Variants in RYR3 observed in about 807,000 individuals in gnomAD.
RYR3 encodes the protein brain ryanodine receptor-calcium release channel.
Under a neutral mutation model 584.3 loss-of-function variants are expected in RYR3, and 207 were observed. The observed-to-expected ratio is 0.35, with a 90% CI of 0.32 to 0.40. The LOEUF (loss-of-function observed/expected upper bound fraction) is 0.40, where lower values mean the gene tolerates loss of function less well. Among genes scored for constraint, RYR3 ranks in the 10% least tolerant of loss-of-function variants. The probability of loss-of-function intolerance (pLI) is 1.00; values close to 1 mark genes in which losing one functional copy is unlikely to be tolerated. For synonymous variants in RYR3, 2,416 were observed against 2,248.5 expected, an observed-to-expected ratio of 1.07 and a Z score of -2.11; for missense variants, 5,616 against 6,089.2, an observed-to-expected ratio of 0.92 and a Z score of 2.59.
chr15:33,550,335 G>T lies in RYR3; in HGVS notation c.972+19G>T, dbSNP rs190811883. The T allele has an allele frequency of 6.6e-4, 1,066 of 1,606,084 alleles. 5 individuals carry two copies. The East Asian group carries it at 0.012, about 18-fold the overall frequency. On this transcript the variant is annotated intron_variant, in intron 10 of 103. Transcript: ENST00000634891. ...ATCAAAGGTAAGGTGTGATAAAGTG[G>T]ACTTTGACCCTGTTCTAAAAGTGAA...
chr15:33,796,020 C>G (rs988878814), intron 67 of RYR3, among the ~76,000 whole-genome samples: 2 of 152,158 alleles, frequency 1.3e-5, no homozygotes, highest in African/African-American at 4.8e-5. Context: ...CTAGGGGAGG[C>G]TTTGGAACAA....
In RYR3 at chr15:33,720,654, G is replaced by A. The variant is rs552594477; in HGVS notation, c.6620-2061G>A. On this transcript the variant is annotated intron_variant, in intron 43 of 103. Coordinates refer to ENST00000634891, the MANE Select transcript of RYR3 (RefSeq NM_001036.6). ...CAAAGCAGGAGGATTGCTTGAGTCCGGGAGTTTGAGGCCAGCCTGGGCAAC... is the reference window on the plus strand; with the variant it reads ...CAAAGCAGGAGGATTGCTTGAGTCCAGGAGTTTGAGGCCAGCCTGGGCAAC... 6.6e-5 allele frequency among the ~76,000 whole-genome samples: 10 copies of A among 152,258 alleles called. No homozygotes were observed. The South Asian group carries it at 2.1e-3, about 32-fold the overall frequency.
intron 3 of RYR3, among the ~76,000 whole-genome samples, chr15:33,508,628 C>T (rs1198075934): frequency 3.9e-5 from 6 of 152,034 alleles, no homozygotes; most frequent in Admixed American, 1.3e-4. Context: ...CCAGACTGGG[C>T]GACAGAGCAA....
intron 32 of RYR3, among the ~76,000 whole-genome samples, chr15:33,654,412 G>A (rs1355489665): frequency 6.6e-6 from 1 of 151,866 alleles, no homozygotes; most frequent in East Asian, 1.9e-4. Flanking sequence ...CTGCTCAGGA[G>A]GCTAAGAGAC....
intron 43 of RYR3, among the ~76,000 whole-genome samples, chr15:33,713,291 G>T (rs1567006440): frequency 1.3e-5 from 2 of 151,956 alleles, no homozygotes; most frequent in African/African-American, 4.8e-5. Context: ...GTGATAGTGG[G>T]TGATGAATGG....
chr15:33,402,781 A>G (rs2042765567), intron 1 of RYR3, among the ~76,000 whole-genome samples: 1 of 152,182 alleles, frequency 6.6e-6, no homozygotes, highest in Non-Finnish European at 1.5e-5. Context: ...TGGGATATCA[A>G]ATTTGTGTTT....
rs143845204 is a variant in RYR3 at position 33,663,385 on chromosome 15, C to T, written c.5419-152C>T. Among the ~76,000 whole-genome samples, 98 of 152,250 alleles carry T rather than the reference C, an allele frequency of 6.4e-4. 1 individual carries two copies. In the East Asian group the frequency reaches 0.011, roughly 17 times the overall value. On this transcript the variant is annotated intron_variant, in intron 35 of 103. Coordinates refer to ENST00000634891, the MANE Select transcript of RYR3 (RefSeq NM_001036.6). Reference sequence around the variant, plus strand: ...GTGAGCTGTTTTCTGTTATTGCCTTCGACTTAATGGTGAAGATTTGAGTAA... The same window carrying T: ...GTGAGCTGTTTTCTGTTATTGCCTTTGACTTAATGGTGAAGATTTGAGTAA...
intron 1 of RYR3, among the ~76,000 whole-genome samples, chr15:33,402,088 C>T (rs564057517): frequency 5.3e-4 from 81 of 152,166 alleles, no homozygotes; most frequent in Admixed American, 2.1e-3. Context: ...TGGTTAAAAG[C>T]ATCTACAGGT....
At chr15:33,834,691 C>T (rs1407507731) in intron 86 of RYR3, among the ~76,000 whole-genome samples, 1 of 152,112 alleles carries the variant, frequency 6.6e-6, no homozygotes, top group Non-Finnish European at 1.5e-5. Context: ...ATATTGTTCT[C>T]CAGTGTAAGC....
At chr15:33,517,044 G>A (rs1368662218) in intron 3 of RYR3, among the ~76,000 whole-genome samples, 1 of 152,032 alleles carries the variant, frequency 6.6e-6, no homozygotes, top group Non-Finnish European at 1.5e-5. Context: ...CAGGCTGCTG[G>A]TGTGCAGTGG....
chr15:33,650,463 C>T (rs2062401525), intron 31 of RYR3, among the ~76,000 whole-genome samples: 1 of 152,160 alleles, frequency 6.6e-6, no homozygotes, highest in Admixed American at 6.5e-5. Context: ...CGTCACTTAA[C>T]CTCCCTGGGC....
At chr15:33,598,415 G>A (rs1407833542) in intron 16 of RYR3, among the ~76,000 whole-genome samples, 15 of 83,384 alleles carry the variant, frequency 1.8e-4, no homozygotes, top group East Asian at 5.9e-4. Flanking sequence ...TCTTATTACC[G>A]TATTTCTGCT....
chr15:33,322,289 A>G (rs1280665761), intron 1 of RYR3, among the ~76,000 whole-genome samples: 2 of 152,224 alleles, frequency 1.3e-5, no homozygotes, highest in South Asian at 2.1e-4. Flanking sequence ...GGAGGCCTCC[A>G]GGAGCTTTTC....
At chr15:33,695,280 G>T (rs754883805) in intron 38 of RYR3, among the ~76,000 whole-genome samples, 22 of 152,142 alleles carry the variant, frequency 1.4e-4, no homozygotes, top group Non-Finnish European at 2.8e-4. Flanking sequence ...TGCCTTCCCG[G>T]CCATTCCAAC....
chr15:33,788,280 A>G lies in RYR3; in HGVS notation c.9652A>G (p.Thr3218Ala), dbSNP rs2074867130. ...PDLLRSHFIP[T>A]LEKLKKKAVK... is the part of the protein sequence containing the mutation. ...CCTGCTGAGAAGCCACTTCATCCCA[A>G]CTCTGGAGAAGCTGAAGAAAAAGGC... The change falls in exon 67 of 104, where the codon ACT (threonine) becomes GCT (alanine). Residue 3218 changes from threonine to alanine, a missense_variant. Physicochemically the swap from Thr to Ala is moderately conservative, Grantham distance 58. Coordinates refer to ENST00000634891, the MANE Select transcript of RYR3 (RefSeq NM_001036.6). The G allele has an allele frequency of 6.2e-7, 1 of 1,613,930 alleles. No homozygotes were observed. The highest frequency in any genetic ancestry group is 2.2e-5 in the East Asian group (1 of 44,876).
chr15:33,539,875 C>A (rs960700603), intron 6 of RYR3, among the ~76,000 whole-genome samples: 1 of 152,080 alleles, frequency 6.6e-6, no homozygotes, highest in Non-Finnish European at 1.5e-5. Flanking sequence ...TAAAGATCTT[C>A]ATCCTTGTCA....
intron 18 of RYR3, among the ~76,000 whole-genome samples, chr15:33,606,459 A>T (rs2059910281): frequency 6.6e-6 from 1 of 152,224 alleles, no homozygotes. Context: ...TGAGAAAAGA[A>T]TTCTCAAAGT....
rs374444900 is a variant in RYR3, at chr15:33,540,907, G to T, written c.646+17G>T. The T allele has an allele frequency of 2.4e-5, 36 of 1,528,130 alleles. No individual in the cohort carries two copies. In the African/African-American group the frequency reaches 4.9e-4, roughly 21 times the overall value. 94.7% of individuals were successfully genotyped at this position (1,528,130 alleles called of 1,614,324 possible). ...TCGAAGAAGGTGTGCTTCTTTAAAT[G>T]CATTTAGCCCTGAGCCTGCCTATCT... On this transcript the variant is annotated intron_variant, in intron 7 of 103. Coordinates refer to ENST00000634891, the MANE Select transcript of RYR3 (RefSeq NM_001036.6).
intron 11 of RYR3, among the ~76,000 whole-genome samples, chr15:33,563,320 C>G (rs1267786444): frequency 6.6e-6 from 1 of 152,194 alleles, no homozygotes; most frequent in Admixed American, 6.5e-5. Context: ...TTATCCACAT[C>G]ATTGCTGCCT....
Sources: allele counts gnomAD v4.1 joint callset (sites outside exome capture counted in the v4.1 genomes callset), GRCh38; gene constraint gnomAD v4.1.1; transcripts MANE v1.5; gene names NCBI Gene and HGNC (gene_info 2026-07-23, HGNC 2026-07-21).